The following SH3BGRL2 variants were observed in gnomAD, a reference collection of about 807,000 sequenced individuals.
SH3BGRL2 encodes the protein SH3 domain binding glutamate rich protein like 2.
SH3BGRL2 carries 21 observed loss-of-function variants against 14.8 expected under a neutral mutation model. That is an observed-to-expected ratio of 1.42 (90% CI 1.01 to 2.05). The LOEUF (loss-of-function observed/expected upper bound fraction) is 2.05, where lower values mean the gene tolerates loss of function less well. Among genes scored for constraint, SH3BGRL2 ranks in the 30% most tolerant of loss-of-function variants. The pLI, the probability that SH3BGRL2 is intolerant of heterozygous loss-of-function variation, is 0.00. For missense variants in SH3BGRL2, 147 were observed against 130.8 expected, an observed-to-expected ratio of 1.12 and a Z score of -0.61; for synonymous variants, 50 against 47.8, an observed-to-expected ratio of 1.05 and a Z score of -0.19.
intron 2 of SH3BGRL2, among the ~76,000 whole-genome samples, chr6:79,678,190 G>A (rs1263712311): frequency 6.6e-6 from 1 of 152,020 alleles, no homozygotes; most frequent in Non-Finnish European, 1.5e-5. Context: ...GCACTTTTAA[G>A]TGTACAGTTC....
At position 79,673,732 on chromosome 6, in the gene SH3BGRL2, C is replaced by T. The variant is rs201064679; in HGVS notation, c.164C>T (p.Pro55Leu). 6.2e-6 allele frequency: 10 copies of T among 1,614,050 alleles called. No individual in the cohort carries two copies. Among genetic ancestry groups the T allele is most frequent in the African/African-American group, 1.3e-5 (1 of 75,002 alleles). The part of the protein sequence containing the change: ...QRQWMYKNVP[P>L]EKKPTQGNPL... ...CAATGGATGTACAAAAACGTCCCCC[C>T]GGAAAAGAAACCCACTCAGGGCAAC... Residue 55 changes from proline to leucine, a missense_variant, in exon 2 of 4, where the codon CCG (proline) becomes CTG (leucine). Physicochemically the swap from Pro to Leu is moderately conservative, Grantham distance 98. Coordinates refer to ENST00000369838, the MANE Select transcript of SH3BGRL2 (RefSeq NM_031469.4).
rs1289413412 is a variant in SH3BGRL2 at position 79,701,969 on chromosome 6, A to G, written c.*2460A>G. On this transcript the variant is annotated 3_prime_UTR_variant, in exon 4 of 4. Transcript: ENST00000369838. Reference sequence around the variant, plus strand: ...AGACAGAATTTTTATTTCCTGTAGTAGGCTTGCTGGAGCAAAGGAAATGTG... The same window carrying G: ...AGACAGAATTTTTATTTCCTGTAGTGGGCTTGCTGGAGCAAAGGAAATGTG... 6.6e-6 allele frequency: 1 copy of G among 152,640 alleles called. No homozygotes were observed. Among genetic ancestry groups the G allele is most frequent in the Non-Finnish European group, 1.5e-5 (1 of 68,038 alleles). 9.5% of individuals were successfully genotyped at this position (152,640 alleles called of 1,614,324 possible).
At chr6:79,637,301 T>G (rs551043970) in intron 1 of SH3BGRL2, among the ~76,000 whole-genome samples, 1 of 152,308 alleles carries the variant, frequency 6.6e-6, no homozygotes, top group African/African-American at 2.4e-5. Flanking sequence ...TTTATGAAAT[T>G]AGGAGCTGTT....
At chr6:79,545,050 AG>A in the SH3BGRL2 span, among the ~76,000 whole-genome samples, 2 of 152,184 alleles carry the variant, frequency 1.3e-5, no homozygotes. Flanking sequence ...CTGGCTAGGA[AG>A]GGTATTGAAA....
At chr6:79,615,236 G>C in the SH3BGRL2 span, among the ~76,000 whole-genome samples, 23 of 152,324 alleles carry the variant, frequency 1.5e-4, no homozygotes, top group Admixed American at 1.4e-3. Flanking sequence ...ACTTCTGAGA[G>C]TGGGAGGGCT....
chr6:79,662,962 C>T (rs1419619863), intron 1 of SH3BGRL2, among the ~76,000 whole-genome samples: 2 of 152,132 alleles, frequency 1.3e-5, no homozygotes, highest in Non-Finnish European at 2.9e-5. Flanking sequence ...TATGCATGTG[C>T]TACGAAGTTC....
At chr6:79,633,906 T>C (rs1010712258) in intron 1 of SH3BGRL2, among the ~76,000 whole-genome samples, 2 of 152,228 alleles carry the variant, frequency 1.3e-5, no homozygotes, top group African/African-American at 4.8e-5. Flanking sequence ...AGCATTAAGC[T>C]ATATTAAGCT....
intron 1 of SH3BGRL2, among the ~76,000 whole-genome samples, chr6:79,653,721 G>A (rs1302833640): frequency 6.6e-6 from 1 of 152,210 alleles, no homozygotes; most frequent in African/African-American, 2.4e-5. Context: ...ATTGAAAGGA[G>A]CTTAAGAAAG....
chr6:79,670,426 G>A (rs937088712), intron 1 of SH3BGRL2, among the ~76,000 whole-genome samples: 1 of 152,210 alleles, frequency 6.6e-6, no homozygotes, highest in Non-Finnish European at 1.5e-5. Flanking sequence ...CATGTTGGTT[G>A]TTGCTCTATG....
the SH3BGRL2 span, among the ~76,000 whole-genome samples, chr6:79,540,050 G>A: frequency 1.3e-5 from 2 of 152,044 alleles, no homozygotes; most frequent in East Asian, 1.9e-4. Context: ...GTAAATAGTT[G>A]GTTTTAGCAT....
intron 2 of SH3BGRL2, among the ~76,000 whole-genome samples, chr6:79,689,738 G>A (rs1770171706): frequency 6.6e-6 from 1 of 151,976 alleles, no homozygotes; most frequent in Non-Finnish European, 1.5e-5. Flanking sequence ...GGGGCATTGG[G>A]ATCATTTTAA....
At chr6:79,611,500 C>T in the SH3BGRL2 span, among the ~76,000 whole-genome samples, 841 of 151,600 alleles carry the variant, frequency 5.5e-3, 5 homozygotes, top group Non-Finnish European at 8.6e-3. Context: ...ACCTCCACCT[C>T]CTGGGTTCAA....
chr6:79,614,827 T>G, the SH3BGRL2 span, among the ~76,000 whole-genome samples: 5,309 of 152,022 alleles, frequency 0.035, 292 homozygotes, highest in African/African-American at 0.12. Flanking sequence ...CAGAAAGGAC[T>G]GAGACTGAAA....
At chr6:79,544,475 C>G in the SH3BGRL2 span, among the ~76,000 whole-genome samples, 1 of 152,126 alleles carries the variant, frequency 6.6e-6, no homozygotes, top group Non-Finnish European at 1.5e-5. Context: ...ATTGATGTCA[C>G]CCTGGTAGCT....
At chr6:79,591,657 C>T in the SH3BGRL2 span, among the ~76,000 whole-genome samples, 2 of 152,204 alleles carry the variant, frequency 1.3e-5, no homozygotes, top group Non-Finnish European at 2.9e-5. Flanking sequence ...CTGCCCGCCT[C>T]GACTTCCCAA....
intron 1 of SH3BGRL2, among the ~76,000 whole-genome samples, chr6:79,662,714 T>G (rs1769577612): frequency 6.6e-6 from 1 of 152,174 alleles, no homozygotes; most frequent in Non-Finnish European, 1.5e-5. Flanking sequence ...TTGGGGAAGT[T>G]CTCCTGGATA....
At chr6:79,570,968 G>A in the SH3BGRL2 span, among the ~76,000 whole-genome samples, 1 of 152,172 alleles carries the variant, frequency 6.6e-6, no homozygotes, top group African/African-American at 2.4e-5. Flanking sequence ...GCAACAAATG[G>A]AAGAACAAAT....
At chr6:79,547,785 G>GA in the SH3BGRL2 span, among the ~76,000 whole-genome samples, 72 of 150,776 alleles carry the variant, frequency 4.8e-4, no homozygotes, top group African/African-American at 1.5e-3. Context: ...GCAGTGATTA[G>GA]AAAAAAAAAT....
chr6:79,555,532 G>A, the SH3BGRL2 span, among the ~76,000 whole-genome samples: 1 of 152,182 alleles, frequency 6.6e-6, no homozygotes. Flanking sequence ...TTTGTTTTGA[G>A]GCGGAGTCTC....
Sources: allele counts gnomAD v4.1 joint callset (sites outside exome capture counted in the v4.1 genomes callset), GRCh38; gene constraint gnomAD v4.1.1; transcripts MANE v1.5; gene names NCBI Gene and HGNC (gene_info 2026-07-23, HGNC 2026-07-21).